Variants in CDKL4 observed in about 807,000 individuals in gnomAD.
CDKL4 encodes cyclin-dependent kinase-like 4.
A neutral mutation model predicts 42.0 loss-of-function variants in CDKL4; 44 were observed. The observed-to-expected ratio is 1.05, with a 90% CI of 0.82 to 1.35. CDKL4 has a LOEUF of 1.35. Ranked by LOEUF, CDKL4 falls within the 40% of genes most tolerant of loss-of-function variation. CDKL4 has a pLI of 0.00. For missense variants in CDKL4, 393 were observed against 369.9 expected, an observed-to-expected ratio of 1.06 and a Z score of -0.51; for synonymous variants, 120 against 121.6, an observed-to-expected ratio of 0.99 and a Z score of 0.09.
chr2:39,170,659 G>A (rs1385735016), downstream of CDKL4, among the ~76,000 whole-genome samples: 1 of 152,040 alleles, frequency 6.6e-6, no homozygotes, highest in East Asian at 1.9e-4. Flanking sequence ...GTTTCGCCAT[G>A]TTGGCCAGGC....
rs1558546425 is a variant in CDKL4, at chr2:39,185,199, TACACATAC to T, written c.736-560_736-553del. 1.0e-3 allele frequency among the ~76,000 whole-genome samples: 33 copies of T among 32,160 alleles called. 3 individuals carry two copies. Among genetic ancestry groups the T allele is most frequent in the African/African-American group, 2.5e-3 (33 of 13,134 alleles). 21.1% of individuals were successfully genotyped at this position (32,160 alleles called of 152,430 possible). A position where few individuals can be genotyped will look rare whatever the true frequency, so the allele number is the denominator to read the frequency against. ...ATACATATGTGTATATACATATATATACACATACGTATATATACATATATACACATACG... is the reference window on the plus strand; with the variant it reads ...ATACATATGTGTATATACATATATATGTATATATACATATATACACATACG... On this transcript the variant is annotated intron_variant, in intron 7 of 9. Transcript: ENST00000451199.
At chr2:39,190,467 T>C in exon 6 of CDKL4, 1 of 1,614,084 alleles carries the variant, frequency 6.2e-7, no homozygotes, top group East Asian at 2.2e-5. Flanking sequence ...CGGTACCATC[T>C]CGTAGCTACA....
At chr2:39,237,336 T>C (rs755013958) in intron 1 of CDKL4, among the ~76,000 whole-genome samples, 1 of 152,098 alleles carries the variant, frequency 6.6e-6, no homozygotes, top group Non-Finnish European at 1.5e-5. Flanking sequence ...AAAAAAGGAA[T>C]CTGACAAAAG....
At chr2:39,197,037 C>A (rs1201272812) in intron 5 of CDKL4, among the ~76,000 whole-genome samples, 2 of 152,090 alleles carry the variant, frequency 1.3e-5, no homozygotes, top group Admixed American at 6.5e-5. Context: ...ATCAAGGAGG[C>A]ACCAGAGAAA....
chr2:39,195,393 G>A (rs1676446150), intron 5 of CDKL4, among the ~76,000 whole-genome samples: 1 of 152,130 alleles, frequency 6.6e-6, no homozygotes, highest in South Asian at 2.1e-4. Context: ...GCTTTCCACA[G>A]CAGTTGCACC....
intron 3 of CDKL4, among the ~76,000 whole-genome samples, chr2:39,225,387 A>G (rs1471849398): frequency 6.6e-6 from 1 of 151,752 alleles, no homozygotes; most frequent in Non-Finnish European, 1.5e-5. Flanking sequence ...TCTGGGCAAC[A>G]AAGTAAGACT....
chr2:39,179,829 A>G (rs376125643), intron 8 of CDKL4, among the ~76,000 whole-genome samples: 1 of 152,230 alleles, frequency 6.6e-6, no homozygotes, highest in Admixed American at 6.5e-5. Context: ...ATGACTGAGG[A>G]AGTGAGAACC....
At chr2:39,187,994 G>T (rs996671832) in intron 6 of CDKL4, among the ~76,000 whole-genome samples, 1 of 151,944 alleles carries the variant, frequency 6.6e-6, no homozygotes, top group Non-Finnish European at 1.5e-5. Flanking sequence ...CTTGAACCTG[G>T]GAGGCAGAGC....
downstream of CDKL4, among the ~76,000 whole-genome samples, chr2:39,173,895 A>G (rs1255658599): frequency 6.6e-6 from 1 of 151,350 alleles, no homozygotes; most frequent in African/African-American, 2.4e-5. Context: ...AGGCAGGAGG[A>G]TTGCTTGAGC....
chr2:39,193,947 AT>A (rs1275351845), intron 5 of CDKL4, among the ~76,000 whole-genome samples: 2 of 152,130 alleles, frequency 1.3e-5, no homozygotes, highest in Non-Finnish European at 2.9e-5. Flanking sequence ...CCATTTCCTT[AT>A]TTCTGAATGA....
intron 1 of CDKL4, among the ~76,000 whole-genome samples, chr2:39,235,447 C>G (rs1051788723): frequency 3.3e-5 from 5 of 152,030 alleles, no homozygotes; most frequent in African/African-American, 1.2e-4. Flanking sequence ...GATGAACAAG[C>G]TTATTGATAA....
intron 2 of CDKL4, among the ~76,000 whole-genome samples, chr2:39,227,018 T>C (rs1189758789): frequency 6.6e-6 from 1 of 152,068 alleles, no homozygotes; most frequent in African/African-American, 2.4e-5. Context: ...ACTGCTGACC[T>C]CAAGCAATCC....
chr2:39,203,545 T>A (rs368056361), intron 5 of CDKL4, among the ~76,000 whole-genome samples: 4 of 152,324 alleles, frequency 2.6e-5, no homozygotes, highest in African/African-American at 9.6e-5. Context: ...CATATATATT[T>A]CAGTAATTTT....
intron 2 of CDKL4, among the ~76,000 whole-genome samples, chr2:39,227,389 G>A (rs976856710): frequency 8.5e-5 from 13 of 152,168 alleles, no homozygotes; most frequent in African/African-American, 2.7e-4. Context: ...ATCTATTAAC[G>A]TAAGCATGGC....
intron 7 of CDKL4, among the ~76,000 whole-genome samples, chr2:39,185,104 T>A (rs1373754400): frequency 7.1e-6 from 1 of 141,700 alleles, no homozygotes; most frequent in Admixed American, 7.2e-5. Context: ...ATAATTCATT[T>A]TAAATATATA....
At chr2:39,188,647 T>C (rs999463242) in intron 6 of CDKL4, among the ~76,000 whole-genome samples, 2 of 143,212 alleles carry the variant, frequency 1.4e-5, no homozygotes, top group African/African-American at 5.2e-5. Context: ...TTTAATCTCA[T>C]AAATGAGATT....
At chr2:39,221,013 GT>G (rs373203432) in intron 3 of CDKL4, among the ~76,000 whole-genome samples, 1 of 73,768 alleles carries the variant, frequency 1.4e-5, no homozygotes, top group African/African-American at 4.9e-5. Context: ...TTTTTTTTTT[GT>G]TTTGTTTTTG....
In CDKL4 at chr2:39,185,444, G is replaced by GTA. The variant is rs59674694; in HGVS notation, c.736-799_736-798dup. 3.8e-3 allele frequency among the ~76,000 whole-genome samples: 30 copies of GTA among 7,968 alleles called. 8 individuals carry two copies. Among genetic ancestry groups the GTA allele is most frequent in the African/African-American group, 6.7e-3 (28 of 4,190 alleles). The allele number at this position is 7,968 out of a possible 152,430, so 5.2% of individuals were successfully genotyped here. A position where few individuals can be genotyped will look rare whatever the true frequency, so the allele number is the denominator to read the frequency against. Reference sequence around the variant, plus strand: ...TATATATACATATGTATATATACATGTATATATACATATGTGTATATATAT... The same window carrying GTA: ...TATATATACATATGTATATATACATGTATATATATACATATGTGTATATATAT... On this transcript the variant is annotated intron_variant, in intron 7 of 9. Transcript: ENST00000451199.
intron 5 of CDKL4, among the ~76,000 whole-genome samples, chr2:39,199,755 G>A (rs1417721797): frequency 1.3e-5 from 2 of 152,106 alleles, no homozygotes; most frequent in African/African-American, 4.8e-5. Context: ...CATCTCAATA[G>A]ATGCAGAAAA....
Sources: gnomAD v4.1 joint callset for allele counts (sites outside exome capture counted in the v4.1 genomes callset) on GRCh38, gnomAD v4.1.1 for gene constraint, MANE v1.5 for transcripts, NCBI Gene and HGNC (gene_info 2026-07-23, HGNC 2026-07-21) for gene names.